TMC8: variants seen among roughly 807,000 people sequenced by gnomAD.
TMC8 encodes the protein transmembrane channel like 8.
TMC8 carries 71 observed loss-of-function variants against 76.0 expected under a neutral mutation model. The observed-to-expected ratio is 0.93, with a 90% CI of 0.77 to 1.14. The LOEUF is 1.14. Ranked by LOEUF, TMC8 falls within the 50% of genes most tolerant of loss-of-function variation. The pLI is 0.00. For synonymous variants in TMC8, 433 were observed against 433.8 expected (o/e 1.00, Z 0.02); for missense variants, 924 against 947.9 (o/e 0.97, Z 0.33).
intron 10 of TMC8, 57 bp downstream of exon 10, chr17:78,137,415 C>T: frequency 1.9e-6 from 3 of 1,612,126 alleles, no homozygotes; most frequent in South Asian, 1.1e-5. Flanking sequence ...AAAAGCTCAC[C>T]TCAAACTGTG....
chr17:78,135,340 G>A lies in TMC8; in HGVS notation c.1127+331G>A, dbSNP rs567009770. On this transcript the variant is annotated intron_variant, in intron 9 of 15. Transcript: ENST00000318430. ...GGGACATGCAGAGCTTCTACATGCC[G>A]AGGGTTTACTCCCCTTACCTGGACA... is the stretch of plus-strand genomic sequence containing the variant. Among the ~76,000 whole-genome samples, 13 of 152,280 alleles carry A rather than the reference G, an allele frequency of 8.5e-5. 1 individual carries two copies. In the South Asian group the frequency reaches 1.5e-3, roughly 17 times the overall value.
intron 5 of TMC8, among the ~76,000 whole-genome samples, chr17:78,133,080 C>A (rs2075079396): frequency 1.3e-5 from 2 of 152,190 alleles, no homozygotes; most frequent in South Asian, 4.1e-4. Context: ...GGACACATGC[C>A]CGTGGTCCTC....
rs2074999299 is a variant in TMC8, at chr17:78,131,984, G to A, written c.252G>A (p.Leu84=). The change falls in exon 3 of 16, where the codon CTG becomes CTA. Residue 84 remains leucine, a synonymous_variant. Coordinates refer to ENST00000318430, the MANE Select transcript of TMC8 (RefSeq NM_152468.5). ...ERRLREAAQR[L]ARGLGLWEGA... is the part of the protein sequence containing the mutation. ...GCCTGCGGGAGGCAGCGCAGCGGCT[G>A]GCCCGGGGCCTTGGGCTCTGGGAGG... 1.3e-6 allele frequency: 2 copies of A among 1,525,058 alleles called. No individual in the cohort carries two copies. The highest frequency in any genetic ancestry group is 1.4e-5 in the African/African-American group (1 of 72,234). The allele number at this position is 1,525,058 out of a possible 1,614,324, so 94.5% of individuals were successfully genotyped here. A position where few individuals can be genotyped will look rare whatever the true frequency, so the allele number is the denominator to read the frequency against.
In TMC8 at chr17:78,131,729, C is replaced by G. The variant is rs201039625; in HGVS notation, c.141C>G (p.Arg47=). 2.2e-4 allele frequency: 347 copies of G among 1,584,020 alleles called. 6 individuals are homozygous for G. In the South Asian group the frequency reaches 2.4e-3, roughly 11 times the overall value. ...RGLPYAMMDK[R]LIWQLREPAG... is the part of the protein sequence containing the mutation. ...TGCCCTATGCCATGATGGACAAGCGCCTCATCTGGTGGGTGCCACGCGGGC... is the reference window on the plus strand; with the variant it reads ...TGCCCTATGCCATGATGGACAAGCGGCTCATCTGGTGGGTGCCACGCGGGC... The change falls in exon 2 of 16, where the codon CGC becomes CGG. Residue 47 remains arginine, a synonymous_variant. Transcript: ENST00000318430.
rs139972217 is a variant in TMC8, at chr17:78,140,913, C to T, written c.1982C>T (p.Pro661Leu). 6,316 of 1,606,402 alleles carry T rather than the reference C, an allele frequency of 3.9e-3. 27 individuals carry two copies. Among genetic ancestry groups the T allele is most frequent in the Non-Finnish European group, 4.5e-3 (5,304 of 1,177,282 alleles). Residue 661 changes from proline to leucine, a missense_variant, in exon 16 of 16, where the codon CCC becomes CTC. Physicochemically the swap from Pro to Leu is moderately conservative, Grantham distance 98. Coordinates refer to ENST00000318430, the MANE Select transcript of TMC8 (RefSeq NM_152468.5). Reference protein sequence around the residue: ...PEPGPSDSPGPKYPASQASRP... With the variant: ...PEPGPSDSPGLKYPASQASRP... ...CCAGGCCCGAGCGACTCTCCGGGCCCCAAGTACCCTGCCTCCCAAGCTTCG... is the reference window on the plus strand; with the variant it reads ...CCAGGCCCGAGCGACTCTCCGGGCCTCAAGTACCCTGCCTCCCAAGCTTCG...
Position 78,133,888 on chromosome 17 carries a change from GT to G in TMC8, c.705del (p.Gln236ArgfsTer48), listed in dbSNP as rs1233952795. On this transcript the variant is annotated frameshift_variant, in exon 7 of 16. Transcript: ENST00000318430. LOFTEE classifies it high-confidence loss of function. ...VKGLPQKTLL[G>X]QGYQAPLSAK... is the part of the protein sequence containing the mutation. ...GGGCTGCCGCAGAAGACTCTGCTGG[GT>G]CAGGGCTATCAGGCGCCTCTCAGCG... 6 of 1,613,342 alleles carry G rather than the reference GT, an allele frequency of 3.7e-6. No individual in the cohort carries two copies. The highest frequency in any genetic ancestry group is 5.1e-6 in the Non-Finnish European group (6 of 1,180,052).
intron 15 of TMC8, among the ~76,000 whole-genome samples, chr17:78,139,728 T>TA (rs34917993): frequency 0.14 from 9,033 of 62,730 alleles, 501 homozygotes; most frequent in Middle Eastern, 0.23. Flanking sequence ...CGTCTCTACT[T>TA]AAAAAAAAAA....
chr17:78,133,847 C>G lies in TMC8; in HGVS notation c.669-6C>G, dbSNP rs2075126743. ...CTCCAGCAGCCCCTGGTCTCCTGCC[C>G]CGCAGGATGGTGAAGGGGCTGCCGC... On this transcript the variant is annotated splice_polypyrimidine_tract_variant and splice_region_variant and intron_variant, in intron 6 of 15. Coordinates refer to ENST00000318430, the MANE Select transcript of TMC8 (RefSeq NM_152468.5). 6.2e-7 allele frequency: 1 copy of G among 1,613,076 alleles called. No homozygotes were observed. The highest frequency in any genetic ancestry group is 8.5e-7 in the Non-Finnish European group (1 of 1,180,004).
chr17:78,132,171 C>A lies in TMC8; in HGVS notation c.298+141C>A, dbSNP rs1021939453. The A allele has an allele frequency of 7.0e-6, 10 of 1,426,136 alleles. No individual in the cohort carries two copies. The African/African-American group carries it at 1.1e-4, about 16-fold the overall frequency. 88.3% of individuals were successfully genotyped at this position (1,426,136 alleles called of 1,614,324 possible). A position where few individuals can be genotyped will look rare whatever the true frequency, so the allele number is the denominator to read the frequency against. ...GGCCCCTCCCCCCTCCCACCCCTTC[C>A]GCCCGCAGGCACCGCAAACCTCGGG... On this transcript the variant is annotated intron_variant, in intron 3 of 15. Transcript: ENST00000318430.
rs1680402748 is a variant in TMC8, at chr17:78,131,365, C to T, written c.-224C>T. 1.6e-6 allele frequency: 1 copy of T among 632,680 alleles called. No individual in the cohort carries two copies. Among genetic ancestry groups the T allele is most frequent in the South Asian group, 1.9e-5 (1 of 52,064 alleles). 39.2% of individuals were successfully genotyped at this position (632,680 alleles called of 1,614,324 possible). A position where few individuals can be genotyped will look rare whatever the true frequency, so the allele number is the denominator to read the frequency against. On this transcript the variant is annotated 5_prime_UTR_variant, in exon 2 of 16. Coordinates refer to ENST00000318430, the MANE Select transcript of TMC8 (RefSeq NM_152468.5). The stretch of plus-strand genomic sequence containing the variant: ...GAATTCGACCGCAGCAGGATTCTCT[C>T]TCATTTCTGAGCCCCGGAGGTGGCA...
intron 10 of TMC8, 166 bp from the exon 11 acceptor site, chr17:78,137,551 G>T: frequency 8.6e-7 from 1 of 1,161,912 alleles, no homozygotes. Flanking sequence ...CCCTGGCTGT[G>T]GGGCTTCCTG....
At chr17:78,133,774 G>C in intron 6 of TMC8, 79 bp from the exon 7 acceptor site, 1 of 1,605,648 alleles carries the variant, frequency 6.2e-7, no homozygotes, top group Non-Finnish European at 8.5e-7. Context: ...GGCCTTCCCA[G>C]ACCCAGAGCC....
At position 78,132,507 on chromosome 17, in the gene TMC8, G is replaced by C. The variant is rs746959190; in HGVS notation, c.447G>C (p.Leu149Phe). ...CTGACCCAGGCCCCACCCTGAACTT[G>C]AGTGAGTGTGAGGCCCACCAGGGGA... ...RPPDPGPTLNLTLQCPGSRQS... is the reference protein window; with the variant it reads ...RPPDPGPTLNFTLQCPGSRQS... Residue 149 changes from leucine to phenylalanine, a missense_variant and splice_region_variant, in exon 4 of 16, where the codon TTG (leucine) becomes TTC (phenylalanine). Leu to Phe is a conservative substitution (Grantham distance 22). Coordinates refer to ENST00000318430, the MANE Select transcript of TMC8 (RefSeq NM_152468.5). 3.1e-6 allele frequency: 5 copies of C among 1,608,596 alleles called. No individual in the cohort carries two copies. Among genetic ancestry groups the C allele is most frequent in the Non-Finnish European group, 3.4e-6 (4 of 1,178,462 alleles).
rs9889313 is a variant in TMC8 at position 78,133,279 on chromosome 17, C to T, written c.532-127C>T. 208,763 of 1,469,726 alleles carry T rather than the reference C, an allele frequency of 0.14. 16,191 individuals are homozygous for T. The highest frequency in any genetic ancestry group is 0.27 in the African/African-American group (19,557 of 72,290). 91.0% of individuals were successfully genotyped at this position (1,469,726 alleles called of 1,614,324 possible). ...GGCACGTTGCCGAACCTCTGTGGGCCCTTGTAAGACGGGACACTCCCTACC... is the reference window on the plus strand; with the variant it reads ...GGCACGTTGCCGAACCTCTGTGGGCTCTTGTAAGACGGGACACTCCCTACC... On this transcript the variant is annotated intron_variant, in intron 5 of 15. Transcript: ENST00000318430.
chr17:78,132,027 G>A lies in TMC8; in HGVS notation c.295G>A (p.Gly99Arg), dbSNP rs1468807538. The A allele has an allele frequency of 6.5e-7, 1 of 1,533,982 alleles. No homozygotes were observed. Residue 99 changes from glycine (G) to arginine (R), a missense_variant, in exon 3 of 16, where the codon GGG becomes AGG. Physicochemically the swap from Gly to Arg is moderately radical, Grantham distance 125. Transcript: ENST00000318430. ...GLWEGALYEI[G>R]GLFGTGIRSY... is the part of the protein sequence containing the mutation. ...CTGGGAGGGGGCGCTCTACGAGATC[G>A]GGGGTAGGACCCGCGCGACCCGCAC...
rs1195217702 is a variant in TMC8, at chr17:78,137,369, G to A, written c.1251+11G>A. On this transcript the variant is annotated intron_variant, in intron 10 of 15. Transcript: ENST00000318430. ...GTTTGTGACTATCAGGTGGCTGGCA[G>A]CCCGGCGGGGCCTGTCCCTCCCTTC... 2 of 1,613,640 alleles carry A rather than the reference G, an allele frequency of 1.2e-6. No individual in the cohort carries two copies. The highest frequency in any genetic ancestry group is 2.2e-5 in the East Asian group (1 of 44,890).
chr17:78,138,774 G>T (rs756113897), intron 14 of TMC8, 42 bp downstream of exon 14: 35 of 1,599,520 alleles, frequency 2.2e-5, no homozygotes, highest in African/African-American at 6.7e-5. Context: ...ACACCTGGAG[G>T]GGGAGGTCCT....
chr17:78,132,671 C>T, intron 4 of TMC8, 117 bp from the exon 5 acceptor site: 1 of 1,497,614 alleles, frequency 6.7e-7, no homozygotes, highest in Non-Finnish European at 9.3e-7. Flanking sequence ...ACGCCTTTGG[C>T]ACATCCTCAG....
chr17:78,138,708 G>GC lies in TMC8; in HGVS notation c.1800dup (p.Phe601LeufsTer210). The GC allele has an allele frequency of 6.2e-7, 1 of 1,610,792 alleles. No homozygotes were observed. The highest frequency in any genetic ancestry group is 8.5e-7 in the Non-Finnish European group (1 of 1,179,992). ...CACTACCTGGGCTCCCACGCCTTCA[G>GC]CTTCCCCCTCCTCATCATGCTCAGG... On this transcript the variant is annotated frameshift_variant, in exon 14 of 16. Transcript: ENST00000318430. LOFTEE classifies it high-confidence loss of function.
Sources: allele counts gnomAD v4.1 joint callset (sites outside exome capture counted in the v4.1 genomes callset), GRCh38; gene constraint gnomAD v4.1.1; transcripts MANE v1.5; gene names NCBI Gene and HGNC (gene_info 2026-07-23, HGNC 2026-07-21).